The following CABIN1 variants were observed in gnomAD, a reference collection of about 807,000 sequenced individuals.
CABIN1 encodes the protein calcineurin-binding protein cabin-1.
Under a neutral mutation model 227.7 loss-of-function variants are expected in CABIN1, and 133 were observed. That is an observed-to-expected ratio of 0.58 (90% CI 0.51 to 0.67). CABIN1 has a LOEUF of 0.67. CABIN1 is among the 30% of genes least tolerant of loss of function. CABIN1 has a pLI of 0.00. For missense variants in CABIN1, 2,408 were observed against 2,852.5 expected, an observed-to-expected ratio of 0.84 and a Z score of 3.55; for synonymous variants, 1,086 against 1,155.1, an observed-to-expected ratio of 0.94 and a Z score of 1.21.
At chr22:24,092,960 G>A (rs764326157) in intron 24 of CABIN1, among the ~76,000 whole-genome samples, 1 of 152,154 alleles carries the variant, frequency 6.6e-6, no homozygotes. Flanking sequence ...CTAGTGCCCT[G>A]TAGTTTAGCA....
At chr22:24,156,035 C>G (rs2045772295) in intron 29 of CABIN1, 7 of 560,506 alleles carry the variant, frequency 1.2e-5, no homozygotes, top group Non-Finnish European at 2.2e-5. Context: ...GCCCGGCGCT[C>G]GCCCTAGCTC....
In CABIN1 at chr22:24,096,031, A is replaced by T. The variant is rs1415778644; in HGVS notation, c.3887A>T (p.Glu1296Val). 4.3e-6 allele frequency: 7 copies of T among 1,614,156 alleles called. No homozygotes were observed. Among genetic ancestry groups the T allele is most frequent in the Non-Finnish European group, 5.9e-6 (7 of 1,180,016 alleles). ...VLVNFMKEAAEGPFARGEEKN... is the reference protein window; with the variant it reads ...VLVNFMKEAAVGPFARGEEKN... The stretch of plus-strand genomic sequence containing the variant: ...GTCAACTTTATGAAGGAGGCTGCAG[A>T]AGGACCCTTTGCCAGGGGCGAGGAG... The change falls in exon 25 of 37, where the codon GAA becomes GTA. Residue 1296 changes from glutamate (E) to valine (V), a missense_variant. Transcript: ENST00000263119.
intron 27 of CABIN1, among the ~76,000 whole-genome samples, chr22:24,114,116 T>C (rs1338422212): frequency 6.6e-6 from 1 of 152,200 alleles, no homozygotes; most frequent in Non-Finnish European, 1.5e-5. Flanking sequence ...TAAAAGTCTT[T>C]GGATCCTAAA....
Position 24,099,916 on chromosome 22 carries a change from G to A in CABIN1, c.4117+1724G>A, listed in dbSNP as rs577883238. 5.3e-5 allele frequency among the ~76,000 whole-genome samples: 8 copies of A among 152,330 alleles called. No individual in the cohort carries two copies. The South Asian group carries it at 1.7e-3, about 32-fold the overall frequency. ...TATGCCTCTAGAAGCAGGAAAGGAG[G>A]GAGGCAGGAGCGCCTCAGAAAGGGG... On this transcript the variant is annotated intron_variant, in intron 26 of 36. Transcript: ENST00000263119.
intron 26 of CABIN1, among the ~76,000 whole-genome samples, chr22:24,106,948 C>T (rs1273390851): frequency 1.3e-5 from 2 of 152,196 alleles, no homozygotes; most frequent in African/African-American, 4.8e-5. Context: ...TTTAAATAGG[C>T]TGTGCCAACC....
intron 5 of CABIN1, among the ~76,000 whole-genome samples, chr22:24,041,640 A>G (rs1463695047): frequency 6.6e-6 from 1 of 152,242 alleles, no homozygotes; most frequent in African/African-American, 2.4e-5. Context: ...GGTATGCATA[A>G]TAGTATCAAA....
At position 24,169,437 on chromosome 22, in the gene CABIN1, C is replaced by T. The variant is rs549643813; in HGVS notation, c.5757+916C>T. Among the ~76,000 whole-genome samples the T allele has an allele frequency of 6.6e-5, 10 of 152,318 alleles. No homozygotes were observed. In the East Asian group the frequency reaches 1.9e-3, roughly 29 times the overall value. On this transcript the variant is annotated intron_variant, in intron 33 of 36. Coordinates refer to ENST00000263119, the MANE Select transcript of CABIN1 (RefSeq NM_012295.4). ...GAATGGAGCCTCAGGCCCCCACCACCTGCCTGGGCTATTACGTCTGCGGAA... is the reference window on the plus strand; with the variant it reads ...GAATGGAGCCTCAGGCCCCCACCACTTGCCTGGGCTATTACGTCTGCGGAA...
chr22:24,107,910 C>T (rs1451232707), intron 26 of CABIN1, among the ~76,000 whole-genome samples: 1 of 152,234 alleles, frequency 6.6e-6, no homozygotes, highest in East Asian at 1.9e-4. Flanking sequence ...CAGCTAGTCT[C>T]AGGCTGGCTG....
At chr22:24,134,062 C>CA (rs2044240034) in intron 28 of CABIN1, among the ~76,000 whole-genome samples, 1 of 152,210 alleles carries the variant, frequency 6.6e-6, no homozygotes, top group Admixed American at 6.5e-5. Context: ...CTTGAGGAGT[C>CA]AAAGACTACA....
At chr22:24,045,175 T>C (rs923384128) in intron 6 of CABIN1, among the ~76,000 whole-genome samples, 2 of 152,216 alleles carry the variant, frequency 1.3e-5, no homozygotes, top group East Asian at 1.9e-4. Flanking sequence ...CCGCCCGCCT[T>C]GGCCTCCCAA....
chr22:24,025,680 T>C (rs1601665820), intron 1 of CABIN1, among the ~76,000 whole-genome samples: 1 of 152,218 alleles, frequency 6.6e-6, no homozygotes, highest in Non-Finnish European at 1.5e-5. Flanking sequence ...TTTTGTTTTG[T>C]TTTGCTTTGT....
At chr22:24,076,830 C>G (rs1055706966) in intron 19 of CABIN1, among the ~76,000 whole-genome samples, 1 of 152,162 alleles carries the variant, frequency 6.6e-6, no homozygotes, top group African/African-American at 2.4e-5. Flanking sequence ...ATAAGCAGCA[C>G]GAACCCTGTC....
chr22:24,153,017 C>A (rs1237009616), intron 29 of CABIN1, among the ~76,000 whole-genome samples: 1 of 152,130 alleles, frequency 6.6e-6, no homozygotes, highest in African/African-American at 2.4e-5. Flanking sequence ...CTATAGGGTG[C>A]CACTGGGGCT....
chr22:24,096,032 A>G lies in CABIN1; in HGVS notation c.3888A>G (p.Glu1296=). Residue 1296 remains glutamate (E), a synonymous_variant, in exon 25 of 37, where the codon GAA becomes GAG. Coordinates refer to ENST00000263119, the MANE Select transcript of CABIN1 (RefSeq NM_012295.4). ...VLVNFMKEAA[E]GPFARGEEKN... is the part of the protein sequence containing the mutation. ...TCAACTTTATGAAGGAGGCTGCAGA[A>G]GGACCCTTTGCCAGGGGCGAGGAGA... The G allele has an allele frequency of 1.2e-6, 2 of 1,614,174 alleles. No individual in the cohort carries two copies. The highest frequency in any genetic ancestry group is 8.5e-7 in the Non-Finnish European group (1 of 1,180,012).
rs1215798565 is a variant in CABIN1 at position 24,144,740 on chromosome 22, G to A, written c.4746+10325G>A. On this transcript the variant is annotated intron_variant, in intron 29 of 36. Transcript: ENST00000263119. ...AGGCCATCCTAGGCCTGTTCAGACT[G>A]TTGGTGGAGGCCATTTCCAGTCAGG... Among the ~76,000 whole-genome samples the A allele has an allele frequency of 2.0e-5, 3 of 152,338 alleles. No individual in the cohort carries two copies. In the East Asian group the frequency reaches 5.8e-4, roughly 29 times the overall value.
intron 29 of CABIN1, among the ~76,000 whole-genome samples, chr22:24,146,815 G>A (rs1023234874): frequency 6.6e-6 from 1 of 152,224 alleles, no homozygotes; most frequent in Non-Finnish European, 1.5e-5. Context: ...GGCAGAGGAA[G>A]ATGATCTTGT....
intron 1 of CABIN1, 153 bp downstream of exon 1, chr22:24,011,520 G>T (rs1027503729): frequency 6.6e-6 from 1 of 152,306 alleles, no homozygotes; most frequent in Admixed American, 6.5e-5. Context: ...CCCAGTCAGG[G>T]AAACCGAGGC....
rs1057187708 is a variant in CABIN1, at chr22:24,035,431, A to G, written c.-74-13A>G. The G allele has an allele frequency of 1.0e-5, 16 of 1,574,572 alleles. No homozygotes were observed. Among genetic ancestry groups the G allele is most frequent in the East Asian group, 4.5e-5 (2 of 44,700 alleles). On this transcript the variant is annotated splice_polypyrimidine_tract_variant and intron_variant, in intron 1 of 36. Transcript: ENST00000263119. ...CATAGGCCTTGTCTCAGTTTGTCCT[A>G]TTTCCTTTCTAGGAGAGTTGTGGAC...
intron 18 of CABIN1, among the ~76,000 whole-genome samples, chr22:24,073,518 C>T (rs1601922573): frequency 1.3e-5 from 2 of 152,310 alleles, no homozygotes; most frequent in East Asian, 3.9e-4. Context: ...TAATTTTATT[C>T]ACTGCTCAGA....
Sources: gnomAD v4.1 joint callset for allele counts (sites outside exome capture counted in the v4.1 genomes callset) on GRCh38, gnomAD v4.1.1 for gene constraint, MANE v1.5 for transcripts, NCBI Gene and HGNC (gene_info 2026-07-23, HGNC 2026-07-21) for gene names.